ARHGAP22: variants seen among roughly 807,000 people sequenced by gnomAD.
ARHGAP22 encodes the protein Rho GTPase activating protein 22, also known as rho GTPase-activating protein 22.
Under a neutral mutation model 59.1 loss-of-function variants are expected in ARHGAP22, and 48 were observed. The observed-to-expected ratio is 0.81, with a 90% CI of 0.64 to 1.03. The LOEUF is 1.03. Among genes scored for constraint, ARHGAP22 ranks in the 50% least tolerant of loss-of-function variants. The pLI is 0.00. For missense variants in ARHGAP22, 1,015 were observed against 958.7 expected, an observed-to-expected ratio of 1.06 and a Z score of -0.78; for synonymous variants, 445 against 416.4, an observed-to-expected ratio of 1.07 and a Z score of -0.84.
In ARHGAP22 at chr10:48,577,026, A is replaced by T. The variant is rs545226886; in HGVS notation, c.234+5927T>A. Among the ~76,000 whole-genome samples the T allele has an allele frequency of 2.0e-5, 3 of 151,730 alleles. No individual in the cohort carries two copies. The South Asian group carries it at 6.3e-4, about 32-fold the overall frequency. On this transcript the variant is annotated intron_variant, in intron 2 of 9. Coordinates refer to ENST00000249601, the MANE Select transcript of ARHGAP22 (RefSeq NM_021226.4). ...CCATCCTGGGGAGTTTATTTCAAGCATTTCTCTAAAGACTCTTTTTCCTTC... is the reference window on the plus strand; with the variant it reads ...CCATCCTGGGGAGTTTATTTCAAGCTTTTCTCTAAAGACTCTTTTTCCTTC...
At chr10:48,478,331 T>C (rs2048936968) in intron 4 of ARHGAP22, among the ~76,000 whole-genome samples, 1 of 152,228 alleles carries the variant, frequency 6.6e-6, no homozygotes, top group Non-Finnish European at 1.5e-5. Context: ...AGAACAACTT[T>C]CACTCTCAAC....
intron 1 of ARHGAP22, among the ~76,000 whole-genome samples, chr10:48,646,630 C>T (rs957329382): frequency 6.6e-5 from 10 of 152,128 alleles, no homozygotes; most frequent in East Asian, 1.9e-4. Flanking sequence ...TATCCATAAG[C>T]GAAACAGCAG....
intron 4 of ARHGAP22, among the ~76,000 whole-genome samples, chr10:48,462,144 T>C (rs2047194127): frequency 6.6e-6 from 1 of 151,900 alleles, no homozygotes; most frequent in South Asian, 2.1e-4. Flanking sequence ...TAGTGTGGGC[T>C]TGTGTGTGCA....
At chr10:48,490,666 G>A (rs1386694142) in intron 3 of ARHGAP22, among the ~76,000 whole-genome samples, 3 of 152,190 alleles carry the variant, frequency 2.0e-5, no homozygotes, top group Non-Finnish European at 4.4e-5. Context: ...AGGATGTTGG[G>A]AGCCCCCTGG....
intron 3 of ARHGAP22, among the ~76,000 whole-genome samples, chr10:48,497,483 G>A (rs1015674225): frequency 1.3e-5 from 2 of 152,236 alleles, no homozygotes; most frequent in Admixed American, 6.5e-5. Context: ...AGAAGGCAGA[G>A]GGGAAGGAGG....
chr10:48,526,209 A>C (rs180869342), intron 3 of ARHGAP22, among the ~76,000 whole-genome samples: 1 of 152,210 alleles, frequency 6.6e-6, no homozygotes. Context: ...GGCACGGAGC[A>C]GAAGAGTTAA....
At chr10:48,603,562 C>G (rs1193414485) in intron 1 of ARHGAP22, among the ~76,000 whole-genome samples, 1 of 152,134 alleles carries the variant, frequency 6.6e-6, no homozygotes, top group Admixed American at 6.5e-5. Flanking sequence ...CCACATGTGG[C>G]CAGTGGCCAG....
chr10:48,609,856 T>C (rs1283970635), upstream of ARHGAP22, among the ~76,000 whole-genome samples: 1 of 152,218 alleles, frequency 6.6e-6, no homozygotes, highest in East Asian at 1.9e-4. Flanking sequence ...ATCATCTATA[T>C]ACGAAACCTA....
chr10:48,619,195 G>A (rs946252753), intron 1 of ARHGAP22, among the ~76,000 whole-genome samples: 2 of 151,992 alleles, frequency 1.3e-5, no homozygotes, highest in African/African-American at 4.8e-5. Flanking sequence ...AAATTGAAAA[G>A]AACACACAAA....
At chr10:48,656,265 TGGGGGGGGGGGGGCG>T (rs551044417), upstream of ARHGAP22, 47,051 of 101,654 alleles carry the variant, frequency 0.46, 11,207 homozygotes, top group Middle Eastern at 0.58. Context: ...TCGGCGCCTC[TGGGGGGGGGGGGGCG>T]GGGGGGGGGG....
At chr10:48,595,125 C>T in intron 1 of ARHGAP22, among the ~76,000 whole-genome samples, 1 of 152,194 alleles carries the variant, frequency 6.6e-6, no homozygotes, top group Non-Finnish European at 1.5e-5. Context: ...GGGATGTTTC[C>T]TATCTGCAGC....
At chr10:48,588,502 C>T (rs1221080284) in intron 1 of ARHGAP22, among the ~76,000 whole-genome samples, 2 of 152,166 alleles carry the variant, frequency 1.3e-5, no homozygotes, top group Non-Finnish European at 2.9e-5. Context: ...AATATTTAAA[C>T]CAGGCCTCAA....
chr10:48,551,059 T>C (rs962475169), intron 3 of ARHGAP22, among the ~76,000 whole-genome samples: 4 of 152,216 alleles, frequency 2.6e-5, no homozygotes, highest in African/African-American at 9.6e-5. Flanking sequence ...GACTCTTCCC[T>C]GAACTGCACC....
At chr10:48,654,492 C>T (rs994502497), upstream of ARHGAP22, among the ~76,000 whole-genome samples, 1 of 152,240 alleles carries the variant, frequency 6.6e-6, no homozygotes, top group Non-Finnish European at 1.5e-5. Context: ...CCAACCTGGT[C>T]TCATCCCAGG....
Position 48,459,792 on chromosome 10 carries a change from C to T in ARHGAP22, c.551G>A (p.Arg184Gln), listed in dbSNP as rs745355376. Residue 184 changes from arginine (R) to glutamine (Q), a missense_variant, in exon 5 of 10, where the codon CGG (arginine) becomes CAG (glutamine). Physicochemically the swap from Arg to Gln is conservative, Grantham distance 43 (BLOSUM62 1). Transcript: ENST00000249601. ...LLVEQCVDFIRERGLTEEGLF... is the reference protein window; with the variant it reads ...LLVEQCVDFIQERGLTEEGLF... ...CCCCTCCTCAGTGAGCCCGCGCTCC[C>T]GGATGAAGTCCACACACTGCTCCAC... The T allele has an allele frequency of 6.9e-5, 111 of 1,613,788 alleles. No homozygotes were observed. Among genetic ancestry groups the T allele is most frequent in the Non-Finnish European group, 8.7e-5 (103 of 1,180,042 alleles).
intron 2 of ARHGAP22, among the ~76,000 whole-genome samples, chr10:48,567,101 GTGGTAAGCCAGGACCTTGCAC>G (rs1318538729): frequency 6.6e-6 from 1 of 152,220 alleles, no homozygotes; most frequent in African/African-American, 2.4e-5. Context: ...TGGTTGCTCT[GTGGTAAGCCAGGACCTTGCAC>G]TAGACTCCGT....
chr10:48,541,748 G>C (rs2055961686), intron 3 of ARHGAP22, among the ~76,000 whole-genome samples: 1 of 152,164 alleles, frequency 6.6e-6, no homozygotes, highest in South Asian at 2.1e-4. Context: ...CCTATTGGTG[G>C]GACACTAAAG....
intron 2 of ARHGAP22, among the ~76,000 whole-genome samples, chr10:48,557,857 G>C (rs1357984293): frequency 6.6e-6 from 1 of 152,212 alleles, no homozygotes; most frequent in Non-Finnish European, 1.5e-5. Flanking sequence ...GGGGCCTGGG[G>C]AGCAGAGGGA....
At chr10:48,627,752 C>G (rs2061499379) in intron 1 of ARHGAP22, among the ~76,000 whole-genome samples, 1 of 152,230 alleles carries the variant, frequency 6.6e-6, no homozygotes, top group Admixed American at 6.5e-5. Context: ...TAATGTGAGG[C>G]ATGCATTCTC....
Sources: gnomAD v4.1 joint callset for allele counts (sites outside exome capture counted in the v4.1 genomes callset) on GRCh38, gnomAD v4.1.1 for gene constraint, MANE v1.5 for transcripts, NCBI Gene and HGNC (gene_info 2026-07-23, HGNC 2026-07-21) for gene names.